NELL1: variants seen among roughly 807,000 people sequenced by gnomAD.
The protein encoded by NELL1 is neural EGFL like 1, also known as protein kinase C-binding protein NELL1.
Under a neutral mutation model 107.4 loss-of-function variants are expected in NELL1, and 76 were observed. The observed-to-expected ratio is 0.71, with a 90% CI of 0.59 to 0.86. The LOEUF is 0.86. Among genes scored for constraint, NELL1 ranks in the 40% least tolerant of loss-of-function variants. The pLI, the probability that NELL1 is intolerant of heterozygous loss-of-function variation, is 0.00. For synonymous variants in NELL1, 353 were observed against 341.2 expected, an observed-to-expected ratio of 1.03 and a Z score of -0.38; for missense variants, 1,024 against 1,005.5, an observed-to-expected ratio of 1.02 and a Z score of -0.25.
At chr11:21,331,491 C>G (rs1337553806) in intron 14 of NELL1, among the ~76,000 whole-genome samples, 1 of 152,084 alleles carries the variant, frequency 6.6e-6, no homozygotes, top group Admixed American at 6.6e-5. Context: ...GGCATGCTCA[C>G]AGTCACTCTG....
intron 4 of NELL1, among the ~76,000 whole-genome samples, chr11:20,862,605 CTTTTT>C (rs386373288): frequency 6.3e-5 from 6 of 94,650 alleles, no homozygotes; most frequent in Admixed American, 4.4e-4. Flanking sequence ...TGAGCTGCTG[CTTTTT>C]TTTTTTTTTT....
intron 3 of NELL1, among the ~76,000 whole-genome samples, chr11:20,812,809 C>T (rs949033722): frequency 3.3e-5 from 5 of 151,066 alleles, no homozygotes; most frequent in African/African-American, 1.2e-4. Context: ...GAGATCGAGA[C>T]CATCCTGGCT....
chr11:21,040,450 T>C (rs1481985145), intron 12 of NELL1, among the ~76,000 whole-genome samples: 1 of 152,180 alleles, frequency 6.6e-6, no homozygotes. Flanking sequence ...ATCAAAGCCT[T>C]GTATCTCTCT....
chr11:20,966,530 A>G (rs1851390237), intron 12 of NELL1, among the ~76,000 whole-genome samples: 1 of 152,086 alleles, frequency 6.6e-6, no homozygotes, highest in Non-Finnish European at 1.5e-5. Flanking sequence ...AGATAAGAAT[A>G]CCTTGGGGTA....
chr11:21,309,262 A>ATATATATATATATATATATG (rs1849675989), intron 14 of NELL1, among the ~76,000 whole-genome samples: 1 of 24,990 alleles, frequency 4.0e-5, no homozygotes, highest in East Asian at 6.7e-4. Context: ...ATATATATGT[A>ATATATATATATATATATATG]TATATATATA....
chr11:21,098,802 C>G (rs1008874170), intron 12 of NELL1, among the ~76,000 whole-genome samples: 1 of 152,104 alleles, frequency 6.6e-6, no homozygotes, highest in African/African-American at 2.4e-5. Flanking sequence ...CTTTGCTACC[C>G]TCTACCCTTC....
At chr11:21,538,171 G>C (rs543998217) in intron 16 of NELL1, among the ~76,000 whole-genome samples, 2 of 151,948 alleles carry the variant, frequency 1.3e-5, no homozygotes, top group East Asian at 1.9e-4. Flanking sequence ...TTTTTCTTCA[G>C]ACAATGGCAT....
At chr11:21,305,079 A>G (rs1253945899) in intron 14 of NELL1, among the ~76,000 whole-genome samples, 2 of 152,032 alleles carry the variant, frequency 1.3e-5, no homozygotes, top group South Asian at 2.1e-4. Context: ...ATAGAAAGCT[A>G]GTTTTATCTC....
chr11:21,535,504 C>A (rs1380615373), intron 16 of NELL1, among the ~76,000 whole-genome samples: 1 of 152,094 alleles, frequency 6.6e-6, no homozygotes, highest in African/African-American at 2.4e-5. Flanking sequence ...TGATGTAAAG[C>A]AAAGATGAAT....
Position 21,521,112 on chromosome 11 carries a change from C to T in NELL1, c.1646-13262C>T, listed in dbSNP as rs576655186. Among the ~76,000 whole-genome samples the T allele has an allele frequency of 3.3e-5, 5 of 152,320 alleles. No homozygotes were observed. In the South Asian group the frequency reaches 1.0e-3, roughly 32 times the overall value. ...TAAAGTTATGGCTTTATACTTTTCT[C>T]TCTTTTGAATGTAAGTATTACAGCT... On this transcript the variant is annotated intron_variant, in intron 15 of 19. Coordinates refer to ENST00000357134, the MANE Select transcript of NELL1 (RefSeq NM_006157.5).
At chr11:21,407,310 G>C (rs900918218) in intron 15 of NELL1, among the ~76,000 whole-genome samples, 3 of 152,030 alleles carry the variant, frequency 2.0e-5, no homozygotes, top group African/African-American at 7.2e-5. Flanking sequence ...TAACTACTCA[G>C]GAGGCTGAGG....
intron 15 of NELL1, among the ~76,000 whole-genome samples, chr11:21,525,827 G>A (rs565105765): frequency 1.3e-5 from 2 of 152,158 alleles, no homozygotes; most frequent in Admixed American, 1.3e-4. Flanking sequence ...AGAACAATAT[G>A]GTAAAACTGA....
chr11:21,319,487 G>C (rs963750238), intron 14 of NELL1, among the ~76,000 whole-genome samples: 1 of 86,594 alleles, frequency 1.2e-5, no homozygotes, highest in Admixed American at 1.4e-4. Context: ...ACCATGCCCA[G>C]CTAAATTTAT....
chr11:21,361,065 A>G, intron 14 of NELL1, among the ~76,000 whole-genome samples: 1 of 152,054 alleles, frequency 6.6e-6, no homozygotes, highest in Admixed American at 6.5e-5. Context: ...AGTCCTGTGA[A>G]ATGTATGCTT....
At chr11:20,976,990 T>C (rs1474844147) in intron 12 of NELL1, among the ~76,000 whole-genome samples, 1 of 152,082 alleles carries the variant, frequency 6.6e-6, no homozygotes, top group East Asian at 1.9e-4. Flanking sequence ...AGAGAATGGT[T>C]CGTCATTTTG....
intron 15 of NELL1, among the ~76,000 whole-genome samples, chr11:21,531,690 A>G (rs1855993599): frequency 1.3e-5 from 2 of 152,194 alleles, no homozygotes; most frequent in Admixed American, 6.5e-5. Flanking sequence ...CCAGGCTCAC[A>G]GTAATTTATC....
intron 12 of NELL1, among the ~76,000 whole-genome samples, chr11:21,032,011 C>T (rs1047758419): frequency 3.3e-5 from 5 of 151,022 alleles, no homozygotes; most frequent in South Asian, 4.2e-4. Context: ...CGCTCCTGCA[C>T]GCCAGCCTGG....
chr11:21,530,530 A>G (rs1305659295), intron 15 of NELL1, among the ~76,000 whole-genome samples: 1 of 152,088 alleles, frequency 6.6e-6, no homozygotes, highest in Non-Finnish European at 1.5e-5. Context: ...GTAAATGAAA[A>G]ATTCATGGCA....
At chr11:20,838,303 G>T (rs61880417) in intron 3 of NELL1, among the ~76,000 whole-genome samples, 17,669 of 148,774 alleles carry the variant, frequency 0.12, 1,210 homozygotes, top group African/African-American at 0.16. Flanking sequence ...CAGCTATAAG[G>T]AGCCTGAGGA....
Sources: allele counts gnomAD v4.1 joint callset (sites outside exome capture counted in the v4.1 genomes callset), GRCh38; gene constraint gnomAD v4.1.1; transcripts MANE v1.5; gene names NCBI Gene and HGNC (gene_info 2026-07-23, HGNC 2026-07-21).